OTUB2: variants seen among roughly 807,000 people sequenced by gnomAD.
OTUB2 encodes OTU deubiquitinase, ubiquitin aldehyde binding 2.
A neutral mutation model predicts 25.1 loss-of-function variants in OTUB2; 21 were observed. The observed-to-expected ratio is 0.84, with a 90% confidence interval of 0.59 to 1.21. The LOEUF is 1.21. Among genes scored for constraint, OTUB2 ranks in the 50% most tolerant of loss-of-function variants. The pLI, the probability that OTUB2 is intolerant of heterozygous loss-of-function variation, is 0.00. For missense variants in OTUB2, 283 were observed against 298.0 expected (o/e 0.95, Z 0.37); for synonymous variants, 122 against 122.8 (o/e 0.99, Z 0.04).
rs149349294 is a variant in OTUB2, at chr14:94,031,564, C to G, written c.3+5024C>G. Among the ~76,000 whole-genome samples, 126 of 152,276 alleles carry G rather than the reference C, an allele frequency of 8.3e-4. 2 individuals carry two copies. In the East Asian group the frequency reaches 0.024, roughly 28 times the overall value. On this transcript the variant is annotated intron_variant, in intron 1 of 5. Coordinates refer to ENST00000203664, the MANE Select transcript of OTUB2 (RefSeq NM_023112.4). The stretch of plus-strand genomic sequence containing the variant: ...AGCGTCATGGTGGGAGTTTTATACC[C>G]TGGCTCTTTAATCTCAGCTGGCGTT...
intron 1 of OTUB2, among the ~76,000 whole-genome samples, chr14:94,030,499 T>C (rs527929733): frequency 3.3e-4 from 50 of 151,974 alleles, no homozygotes; most frequent in East Asian, 1.6e-3. Context: ...GAGGATGCTG[T>C]ATGAGTCTAG....
chr14:94,038,627 C>A (rs1481718664), intron 2 of OTUB2, among the ~76,000 whole-genome samples: 1 of 151,850 alleles, frequency 6.6e-6, no homozygotes, highest in African/African-American at 2.4e-5. Flanking sequence ...GCTGCTCCCC[C>A]AGGAAGGCTT....
Position 94,026,431 on chromosome 14 carries a change from G to T in OTUB2, c.-107G>T. ...TCTCCGCCGCCCCCACGCCCTCGAG[G>T]TCCCCGCCACCGAACCAGCGGCGGA... On this transcript the variant is annotated 5_prime_UTR_variant, in exon 1 of 6. Coordinates refer to ENST00000203664, the MANE Select transcript of OTUB2 (RefSeq NM_023112.4). 1 of 1,297,974 alleles carries T rather than the reference G, an allele frequency of 7.7e-7. No homozygotes were observed. The highest frequency in any genetic ancestry group is 9.8e-7 in the Non-Finnish European group (1 of 1,022,418). 80.4% of individuals were successfully genotyped at this position (1,297,974 alleles called of 1,614,324 possible).
Position 94,046,017 on chromosome 14 carries a change from G to C in OTUB2, c.*95G>C. ...TTCAATTTTTTAAGCAATTTAGACT[G>C]TAGCAAGAAAATGTGCAGCCTTTTG... On this transcript the variant is annotated 3_prime_UTR_variant, in exon 6 of 6. Transcript: ENST00000203664. 1 of 1,393,236 alleles carries C rather than the reference G, an allele frequency of 7.2e-7. No homozygotes were observed. The highest frequency in any genetic ancestry group is 9.9e-7 in the Non-Finnish European group (1 of 1,007,354). The allele number at this position is 1,393,236 out of a possible 1,614,324, so 86.3% of individuals were successfully genotyped here. A position where few individuals can be genotyped will look rare whatever the true frequency, so the allele number is the denominator to read the frequency against.
chr14:94,038,802 CAG>C (rs1885105335), intron 2 of OTUB2, among the ~76,000 whole-genome samples, 159 bp from the exon 3 acceptor site: 1 of 152,172 alleles, frequency 6.6e-6, no homozygotes, highest in Admixed American at 6.5e-5. Flanking sequence ...ATTTTTATAT[CAG>C]GGGAATGAAC....
At chr14:94,035,579 G>A (rs575276174) in intron 1 of OTUB2, among the ~76,000 whole-genome samples, 4 of 152,034 alleles carry the variant, frequency 2.6e-5, no homozygotes, top group African/African-American at 4.8e-5. Flanking sequence ...ATGAGCCACC[G>A]TGCCTGGCCC....
rs1595370251 is a variant in OTUB2, at chr14:94,047,751, A to T, written c.*1829A>T. 1 of 152,242 alleles carries T rather than the reference A, an allele frequency of 6.6e-6. No homozygotes were observed. Among genetic ancestry groups the T allele is most frequent in the East Asian group, 1.9e-4 (1 of 5,200 alleles). 9.4% of individuals were successfully genotyped at this position (152,242 alleles called of 1,614,324 possible). A position where few individuals can be genotyped will look rare whatever the true frequency, so the allele number is the denominator to read the frequency against. On this transcript the variant is annotated 3_prime_UTR_variant, in exon 6 of 6. Transcript: ENST00000203664. ...CAGCTAGGCTCTCAAGCACAGCAGA[A>T]GCCTCACTGGGCTGCTATGTCTCTG...
chr14:94,037,770 GCTGAGGAAA>G (rs1258024991), intron 2 of OTUB2, among the ~76,000 whole-genome samples: 1 of 152,046 alleles, frequency 6.6e-6, no homozygotes, highest in Non-Finnish European at 1.5e-5. Context: ...CCATTTTACA[GCTGAGGAAA>G]CTGAGGCACA....
At chr14:94,029,336 G>A (rs779944213) in intron 1 of OTUB2, among the ~76,000 whole-genome samples, 22 of 152,034 alleles carry the variant, frequency 1.4e-4, no homozygotes, top group Non-Finnish European at 2.9e-4. Flanking sequence ...TAGAGCAACA[G>A]AAATGGATTC....
At chr14:94,035,225 G>A (rs1256322772) in intron 1 of OTUB2, among the ~76,000 whole-genome samples, 2 of 150,464 alleles carry the variant, frequency 1.3e-5, no homozygotes, top group African/African-American at 4.9e-5. Flanking sequence ...GTGTTTGCAT[G>A]CCCTGTTTCT....
intron 1 of OTUB2, among the ~76,000 whole-genome samples, chr14:94,031,062 C>A (rs1171338302): frequency 6.6e-6 from 1 of 152,138 alleles, no homozygotes; most frequent in African/African-American, 2.4e-5. Context: ...GGGCACTCGG[C>A]TGCCCCCAAA....
intron 1 of OTUB2, among the ~76,000 whole-genome samples, chr14:94,027,757 A>C (rs1331529395): frequency 6.6e-6 from 1 of 152,200 alleles, no homozygotes; most frequent in Non-Finnish European, 1.5e-5. Flanking sequence ...TGGCATAGGC[A>C]GCCAGGGCAC....
At position 94,046,109 on chromosome 14, in the gene OTUB2, T is replaced by C; in HGVS notation, c.*187T>C. On this transcript the variant is annotated 3_prime_UTR_variant, in exon 6 of 6. Transcript: ENST00000203664. The stretch of plus-strand genomic sequence containing the variant: ...GGTAACTTGGTAGGATTTTTAGTAT[T>C]TATTTTAATGGAGGGACAAATGCTT... 1.5e-6 allele frequency: 1 copy of C among 670,914 alleles called. No individual in the cohort carries two copies. Among genetic ancestry groups the C allele is most frequent in the South Asian group, 1.9e-5 (1 of 51,658 alleles). 41.6% of individuals were successfully genotyped at this position (670,914 alleles called of 1,614,324 possible).
chr14:94,042,101 T>C (rs1013367493), intron 3 of OTUB2, among the ~76,000 whole-genome samples: 3 of 152,252 alleles, frequency 2.0e-5, no homozygotes, highest in South Asian at 2.1e-4. Context: ...GTTCCAGCCC[T>C]GTATCTTGCA....
Position 94,046,796 on chromosome 14 carries a change from C to A in OTUB2, c.*874C>A, listed in dbSNP as rs1382899726. The stretch of plus-strand genomic sequence containing the variant: ...TCAAGGATAGAAGTGTTGGCACGCA[C>A]AGCCATGGACCCAGCTGAGCAGAGC... On this transcript the variant is annotated 3_prime_UTR_variant, in exon 6 of 6. Transcript: ENST00000203664. The A allele has an allele frequency of 6.5e-6, 1 of 152,714 alleles. No individual in the cohort carries two copies. The highest frequency in any genetic ancestry group is 2.4e-5 in the African/African-American group (1 of 41,470). 9.5% of individuals were successfully genotyped at this position (152,714 alleles called of 1,614,324 possible). A position where few individuals can be genotyped will look rare whatever the true frequency, so the allele number is the denominator to read the frequency against.
At chr14:94,030,296 T>C (rs1884934969) in intron 1 of OTUB2, among the ~76,000 whole-genome samples, 1 of 146,232 alleles carries the variant, frequency 6.8e-6, no homozygotes, top group South Asian at 2.2e-4. Context: ...GAAGCACTTC[T>C]GGGTCTTGGC....
At chr14:94,035,354 A>T (rs1479526266) in intron 1 of OTUB2, among the ~76,000 whole-genome samples, 2 of 141,788 alleles carry the variant, frequency 1.4e-5, no homozygotes, top group Non-Finnish European at 3.0e-5. Flanking sequence ...CAGTGGTGCA[A>T]TCTTGGCTCA....
intron 1 of OTUB2, among the ~76,000 whole-genome samples, chr14:94,030,035 A>G (rs1341989995): frequency 6.6e-6 from 1 of 152,204 alleles, no homozygotes; most frequent in East Asian, 1.9e-4. Context: ...AGAGGGCCAC[A>G]TGGGGTCAGA....
chr14:94,038,411 G>A (rs1885096848), intron 2 of OTUB2, among the ~76,000 whole-genome samples: 1 of 152,184 alleles, frequency 6.6e-6, no homozygotes, highest in Admixed American at 6.5e-5. Flanking sequence ...TGGCTATGGG[G>A]GGAACAGGAA....
Sources: allele counts gnomAD v4.1 joint callset (sites outside exome capture counted in the v4.1 genomes callset), GRCh38; gene constraint gnomAD v4.1.1; transcripts MANE v1.5; gene names NCBI Gene and HGNC (gene_info 2026-07-23, HGNC 2026-07-21).